NMBR: variants seen among roughly 807,000 people sequenced by gnomAD.
The protein encoded by NMBR is neuromedin-B receptor.
NMBR carries 16 observed loss-of-function variants against 20.5 expected under a neutral mutation model. The observed-to-expected ratio is 0.78, with a 90% CI of 0.53 to 1.19. NMBR has a LOEUF of 1.19. Among genes scored for constraint, NMBR ranks in the 50% most tolerant of loss-of-function variants. The pLI, the probability that NMBR is intolerant of heterozygous loss-of-function variation, is 0.00. For synonymous variants in NMBR, 212 were observed against 196.6 expected, an observed-to-expected ratio of 1.08 and a Z score of -0.65; for missense variants, 582 against 499.1, an observed-to-expected ratio of 1.17 and a Z score of -1.58.
chr6:142,128,521 T>C (rs1348734658), intron 1 of NMBR, among the ~76,000 whole-genome samples: 1 of 152,098 alleles, frequency 6.6e-6, no homozygotes, highest in Non-Finnish European at 1.5e-5. Context: ...ATATGGCCTT[T>C]ATTATGTTGA....
intron 1 of NMBR, among the ~76,000 whole-genome samples, chr6:142,108,305 A>C (rs1415084231): frequency 6.6e-6 from 1 of 152,208 alleles, no homozygotes; most frequent in Non-Finnish European, 1.5e-5. Context: ...TTCACAGGCA[A>C]TGATAAAATA....
chr6:142,108,891 T>A (rs896014201), intron 1 of NMBR, among the ~76,000 whole-genome samples: 2 of 152,168 alleles, frequency 1.3e-5, no homozygotes, highest in Non-Finnish European at 2.9e-5. Flanking sequence ...CTTTCTCCTA[T>A]GAACCTGTAA....
Position 142,075,533 on chromosome 6 carries a change from A to G in NMBR, c.*115T>C. 1 of 955,806 alleles carries G rather than the reference A, an allele frequency of 1.0e-6. No homozygotes were observed. The highest frequency in any genetic ancestry group is 1.6e-6 in the Non-Finnish European group (1 of 645,096). The allele number at this position is 955,806 out of a possible 1,614,324, so 59.2% of individuals were successfully genotyped here. On this transcript the variant is annotated 3_prime_UTR_variant, in exon 4 of 4. Transcript: ENST00000258042. ...GAGAAAAAATGTCTTGCATTTTCTG[A>G]GTCAATCATGCAATTGCCTAATAAA... is the stretch of plus-strand genomic sequence containing the variant.
chr6:142,121,388 G>T (rs1777941862), intron 1 of NMBR, among the ~76,000 whole-genome samples: 1 of 151,950 alleles, frequency 6.6e-6, no homozygotes. Flanking sequence ...AGTGAAGAAA[G>T]CATGACCAAA....
chr6:142,111,752 A>T (rs1777767560), intron 1 of NMBR, among the ~76,000 whole-genome samples: 1 of 152,244 alleles, frequency 6.6e-6, no homozygotes, highest in African/African-American at 2.4e-5. Context: ...AGGTGACCAG[A>T]GAACGTGCAT....
intron 1 of NMBR, among the ~76,000 whole-genome samples, chr6:142,115,135 A>G (rs1212486052): frequency 1.3e-5 from 2 of 152,094 alleles, no homozygotes; most frequent in Non-Finnish European, 2.9e-5. Context: ...AATTTATGCA[A>G]ATACGTCAAG....
At chr6:142,141,827 A>G (rs1778367881) in intron 1 of NMBR, among the ~76,000 whole-genome samples, 1 of 152,216 alleles carries the variant, frequency 6.6e-6, no homozygotes, top group Non-Finnish European at 1.5e-5. Flanking sequence ...GATAATTTAA[A>G]TACAAATTAA....
chr6:142,131,296 G>T (rs1263352145), intron 1 of NMBR, among the ~76,000 whole-genome samples: 1 of 152,146 alleles, frequency 6.6e-6, no homozygotes, highest in African/African-American at 2.4e-5. Flanking sequence ...ATATACAGTT[G>T]TCAACAAATA....
At chr6:142,136,167 G>A (rs1778250712) in intron 1 of NMBR, among the ~76,000 whole-genome samples, 1 of 152,142 alleles carries the variant, frequency 6.6e-6, no homozygotes, top group South Asian at 2.1e-4. Flanking sequence ...GTTGTTTCCT[G>A]ACTTTTTAAT....
At position 142,093,161 on chromosome 6, in the gene NMBR, T is replaced by G. The variant is rs182177570; in HGVS notation, c.-663-3840A>C. 2.4e-3 allele frequency among the ~76,000 whole-genome samples: 372 copies of G among 152,220 alleles called. 2 individuals are homozygous for G. The highest frequency in any genetic ancestry group is 7.8e-3 in the African/African-American group (322 of 41,528). ...AACTTAAGAATTTTTTTTCTTTTTT[T>G]TTAATTATTCTTTAAGTTTTAGGGT... On this transcript the variant is annotated intron_variant, in intron 1 of 3. Coordinates refer to ENST00000258042, the MANE Select transcript of NMBR (RefSeq NM_002511.4).
intron 2 of NMBR, among the ~76,000 whole-genome samples, chr6:142,084,859 C>T (rs1291066024): frequency 6.6e-6 from 1 of 152,138 alleles, no homozygotes; most frequent in East Asian, 1.9e-4. Context: ...GATGTCACAG[C>T]ACACACGTCC....
chr6:142,101,403 G>T (rs1455679388), intron 1 of NMBR, among the ~76,000 whole-genome samples: 1 of 152,118 alleles, frequency 6.6e-6, no homozygotes, highest in African/African-American at 2.4e-5. Flanking sequence ...TTTTATCATT[G>T]ATGTCACTAG....
rs1777382895 is a variant in NMBR, at chr6:142,093,710, TC to T, written c.-663-4390del. Among the ~76,000 whole-genome samples, 3 of 152,268 alleles carry T rather than the reference TC, an allele frequency of 2.0e-5. No individual in the cohort carries two copies. The South Asian group carries it at 6.2e-4, about 32-fold the overall frequency. On this transcript the variant is annotated intron_variant, in intron 1 of 3. Transcript: ENST00000258042. Reference sequence around the variant, plus strand: ...GTCAAATGGTAATTCTAGTTCTAGATCCCTGAGGAATTGCCACACTGACTTC... The same window carrying T: ...GTCAAATGGTAATTCTAGTTCTAGATCCTGAGGAATTGCCACACTGACTTC...
At chr6:142,090,305 T>C (rs1231391622) in intron 1 of NMBR, among the ~76,000 whole-genome samples, 2 of 152,098 alleles carry the variant, frequency 1.3e-5, no homozygotes, top group Non-Finnish European at 2.9e-5. Flanking sequence ...CTACCTATGA[T>C]GATCTAGCCA....
chr6:142,103,437 G>A (rs1333779717), intron 1 of NMBR, among the ~76,000 whole-genome samples: 2 of 152,150 alleles, frequency 1.3e-5, no homozygotes, highest in African/African-American at 2.4e-5. Flanking sequence ...GAATGAGTTT[G>A]ATAACCAAAC....
chr6:142,146,861 T>TTAAG (rs1778447052), intron 1 of NMBR, among the ~76,000 whole-genome samples, 183 bp downstream of exon 1: 1 of 152,224 alleles, frequency 6.6e-6, no homozygotes, highest in South Asian at 2.1e-4. Flanking sequence ...CTATATGGAA[T>TTAAG]ATTAATGTGG....
Position 142,079,116 on chromosome 6 carries a change from A to G in NMBR, c.423-213T>C, listed in dbSNP as rs1436985066. 9.7e-3 allele frequency among the ~76,000 whole-genome samples: 499 copies of G among 51,236 alleles called. 4 individuals carry two copies. Among genetic ancestry groups the G allele is most frequent in the Middle Eastern group, 0.014 (2 of 138 alleles). The allele number at this position is 51,236 out of a possible 152,430, so 33.6% of individuals were successfully genotyped here. On this transcript the variant is annotated intron_variant, in intron 2 of 3. Coordinates refer to ENST00000258042, the MANE Select transcript of NMBR (RefSeq NM_002511.4). ...AGAAAGAGAGAGAGAGAAAGAAAGA[A>G]AGAAAGAAAGAAGAAAGAAAGAAAG... is the stretch of plus-strand genomic sequence containing the variant.
chr6:142,104,044 CTGTGGAAATAACTGACA>C (rs1238119429), intron 1 of NMBR, among the ~76,000 whole-genome samples: 4 of 152,144 alleles, frequency 2.6e-5, no homozygotes, highest in South Asian at 2.1e-4. Context: ...AGGCAATTAA[CTGTGGAAATAACTGACA>C]TGTGGAAATA....
At chr6:142,077,878 C>G (rs967281623) in intron 3 of NMBR, among the ~76,000 whole-genome samples, 1 of 152,198 alleles carries the variant, frequency 6.6e-6, no homozygotes, top group African/African-American at 2.4e-5. Context: ...TGTATTAACA[C>G]AGTAGATTTT....
Sources: gnomAD v4.1 joint callset for allele counts (sites outside exome capture counted in the v4.1 genomes callset) on GRCh38, gnomAD v4.1.1 for gene constraint, MANE v1.5 for transcripts, NCBI Gene and HGNC (gene_info 2026-07-23, HGNC 2026-07-21) for gene names.